PTPRZ1: variants seen among roughly 807,000 people sequenced by gnomAD.
The protein encoded by PTPRZ1 is protein tyrosine phosphatase receptor type Z1, also known as receptor-type tyrosine-protein phosphatase zeta.
PTPRZ1 carries 82 observed loss-of-function variants against 214.1 expected under a neutral mutation model. The ratio of observed to expected loss-of-function variants is 0.38; its 90% CI spans 0.32 to 0.46. The LOEUF (loss-of-function observed/expected upper bound fraction) is 0.46. Among genes scored for constraint, PTPRZ1 ranks in the 20% least tolerant of loss-of-function variants. PTPRZ1 has a pLI of 1.00. For missense variants in PTPRZ1, 2,603 were observed against 2,748.7 expected, an observed-to-expected ratio of 0.95 and a Z score of 1.19; for synonymous variants, 945 against 987.9, an observed-to-expected ratio of 0.96 and a Z score of 0.81.
Position 122,028,597 on chromosome 7 carries a change from C to A in PTPRZ1, c.5034C>A (p.Ser1678=), listed in dbSNP as rs1014190838. 4 of 1,550,300 alleles carry A rather than the reference C, an allele frequency of 2.6e-6. No individual in the cohort carries two copies. The highest frequency in any genetic ancestry group is 1.7e-4 in the Middle Eastern group (1 of 5,950). Residue 1678 remains serine, a synonymous_variant, in exon 14 of 30, where the codon TCC becomes TCA. Transcript: ENST00000393386. ...TAHFYLEDST[S]PRVISTPPTP... is the part of the protein sequence containing the mutation. ...ACTTTTACTTAGAGGACAGTACATC[C>A]CCTAGAGTTATATCCACACCTCCAA...
chr7:121,933,832 A>T lies in PTPRZ1; in HGVS notation c.124+5611A>T, dbSNP rs1415919937. Among the ~76,000 whole-genome samples the T allele has an allele frequency of 5.3e-5, 8 of 152,182 alleles. No individual in the cohort carries two copies. In the East Asian group the frequency reaches 1.5e-3, roughly 29 times the overall value. ...TTGAATCCATGTAGAATAATGACGG[A>T]TTTTTGGCCTTTCTTTAACTTCTAT... On this transcript the variant is annotated intron_variant, in intron 2 of 29. Transcript: ENST00000393386.
chr7:121,963,242 A>C (rs1584687821), intron 2 of PTPRZ1, among the ~76,000 whole-genome samples: 2 of 152,294 alleles, frequency 1.3e-5, no homozygotes, highest in East Asian at 3.9e-4. Context: ...AGATATTTTG[A>C]AAGTTAGGTG....
At chr7:121,999,015 A>G (rs965918869) in intron 10 of PTPRZ1, among the ~76,000 whole-genome samples, 3 of 152,168 alleles carry the variant, frequency 2.0e-5, no homozygotes, top group African/African-American at 7.2e-5. Context: ...GTACTTGCTC[A>G]TTGATCACCT....
chr7:122,005,963 A>G (rs751317996), intron 11 of PTPRZ1, among the ~76,000 whole-genome samples: 17 of 151,960 alleles, frequency 1.1e-4, no homozygotes, highest in South Asian at 2.1e-4. Flanking sequence ...TTTCTTCTCT[A>G]TTGCCATTAA....
chr7:121,908,442 T>C, intron 1 of PTPRZ1: 2 of 397,976 alleles, frequency 5.0e-6, no homozygotes, highest in Non-Finnish European at 9.7e-6. Flanking sequence ...AATACTAATG[T>C]ATCCAACTTT....
chr7:121,981,804 A>G (rs1797622930), intron 6 of PTPRZ1, among the ~76,000 whole-genome samples: 1 of 152,132 alleles, frequency 6.6e-6, no homozygotes, highest in African/African-American at 2.4e-5. Context: ...GTACACACAC[A>G]AACACATCTG....
chr7:121,989,452 G>A (rs886647678), intron 8 of PTPRZ1, among the ~76,000 whole-genome samples: 4 of 143,490 alleles, frequency 2.8e-5, no homozygotes, highest in East Asian at 2.1e-4. Flanking sequence ...TCGGCTCACC[G>A]CAACCTCCGC....
At position 121,922,087 on chromosome 7, in the gene PTPRZ1, G is replaced by C. The variant is rs140030892; in HGVS notation, c.59-6069G>C. ...ATAATTTTGTAGACTCTGTACTCGT[G>C]GGCAAATTTAATTTTACTTGGAAAG... On this transcript the variant is annotated intron_variant, in intron 1 of 29. Transcript: ENST00000393386. Among the ~76,000 whole-genome samples the C allele has an allele frequency of 3.4e-3, 515 of 152,200 alleles. 3 individuals carry two copies. Among genetic ancestry groups the C allele is most frequent in the African/African-American group, 0.012 (494 of 41,536 alleles).
At position 122,045,510 on chromosome 7, in the gene PTPRZ1, A is replaced by G. The variant is rs568831192; in HGVS notation, c.6084+942A>G. 4.6e-4 allele frequency among the ~76,000 whole-genome samples: 70 copies of G among 152,254 alleles called. No homozygotes were observed. In the East Asian group the frequency reaches 7.5e-3, roughly 16 times the overall value. ...GAGGTGTAAGAGAAAGATTGGGATC[A>G]ATACTGAGTTTAGAACCTGTTGTCA... On this transcript the variant is annotated intron_variant, in intron 23 of 29. Coordinates refer to ENST00000393386, the MANE Select transcript of PTPRZ1 (RefSeq NM_002851.3).
chr7:121,933,229 A>G (rs887332964), intron 2 of PTPRZ1, among the ~76,000 whole-genome samples: 4 of 151,582 alleles, frequency 2.6e-5, no homozygotes, highest in Middle Eastern at 3.2e-3. Flanking sequence ...AGATTATCCT[A>G]GGAGATGTTA....
intron 2 of PTPRZ1, among the ~76,000 whole-genome samples, chr7:121,947,273 A>T (rs1796412115): frequency 6.6e-6 from 1 of 151,958 alleles, no homozygotes; most frequent in African/African-American, 2.4e-5. Flanking sequence ...AAAAAAAGAT[A>T]TACAACAATT....
At chr7:121,874,911 T>C (rs1051180084) in intron 1 of PTPRZ1, among the ~76,000 whole-genome samples, 2 of 152,128 alleles carry the variant, frequency 1.3e-5, no homozygotes, top group African/African-American at 4.8e-5. Context: ...AGATCTATTT[T>C]AACAAAGAAG....
rs190916819 is a variant in PTPRZ1, at chr7:121,940,439, A to G, written c.124+12218A>G. Among the ~76,000 whole-genome samples the G allele has an allele frequency of 4.6e-5, 7 of 152,272 alleles. No individual in the cohort carries two copies. In the East Asian group the frequency reaches 5.8e-4, roughly 13 times the overall value. On this transcript the variant is annotated intron_variant, in intron 2 of 29. Coordinates refer to ENST00000393386, the MANE Select transcript of PTPRZ1 (RefSeq NM_002851.3). ...GGACTTGGATGTATTTTAATGAAGC[A>G]GGTTGTAGTGGGGATTCTTTTGTTA...
chr7:122,055,628 A>G (rs955349701), intron 27 of PTPRZ1, among the ~76,000 whole-genome samples: 4 of 151,914 alleles, frequency 2.6e-5, no homozygotes, highest in Non-Finnish European at 4.4e-5. Flanking sequence ...TTGGTTATCT[A>G]TTACACAAGA....
At chr7:121,968,697 A>G (rs1440166954) in intron 3 of PTPRZ1, among the ~76,000 whole-genome samples, 1 of 151,884 alleles carries the variant, frequency 6.6e-6, no homozygotes, top group African/African-American at 2.4e-5. Flanking sequence ...AATTCTAATA[A>G]GCTATACATA....
At chr7:121,973,930 T>C (rs1249384797) in intron 4 of PTPRZ1, among the ~76,000 whole-genome samples, 2 of 96,814 alleles carry the variant, frequency 2.1e-5, no homozygotes, top group Admixed American at 1.4e-4. Context: ...TGAGACGCTG[T>C]CTCAAAAAAG....
At chr7:122,024,325 G>A (rs1799142014) in intron 13 of PTPRZ1, among the ~76,000 whole-genome samples, 2 of 151,682 alleles carry the variant, frequency 1.3e-5, no homozygotes, top group Admixed American at 6.6e-5. Context: ...CCAACCAAAT[G>A]GCACACTATC....
chr7:121,989,443 C>T (rs949122561), intron 8 of PTPRZ1, among the ~76,000 whole-genome samples: 6 of 143,554 alleles, frequency 4.2e-5, no homozygotes, highest in Non-Finnish European at 1.5e-5. Context: ...GGCACGATAT[C>T]GGCTCACCGC....
chr7:121,947,180 T>C (rs1796406871), intron 2 of PTPRZ1, among the ~76,000 whole-genome samples: 1 of 152,106 alleles, frequency 6.6e-6, no homozygotes, highest in African/African-American at 2.4e-5. Flanking sequence ...CAGTGGGATG[T>C]TGGCACTATT....
Sources: allele counts gnomAD v4.1 joint callset (sites outside exome capture counted in the v4.1 genomes callset), GRCh38; gene constraint gnomAD v4.1.1; transcripts MANE v1.5; gene names NCBI Gene and HGNC (gene_info 2026-07-23, HGNC 2026-07-21).